The following TNIP1 variants were observed in gnomAD, a reference collection of about 807,000 sequenced individuals.
The protein encoded by TNIP1 is TNFAIP3 interacting protein 1, also known as TNFAIP3-interacting protein 1.
In TNIP1, 22 loss-of-function variants were observed where a neutral mutation model predicts 86.6. The ratio of observed to expected loss-of-function variants is 0.25; its 90% confidence interval spans 0.18 to 0.36. The LOEUF (loss-of-function observed/expected upper bound fraction) is 0.36, where lower values mean the gene tolerates loss of function less well. TNIP1 is among the 10% of genes least tolerant of loss of function. The pLI is 1.00. For synonymous variants in TNIP1, 294 were observed against 313.0 expected (o/e 0.94, Z 0.64); for missense variants, 709 against 820.6 (o/e 0.86, Z 1.66).
intron 1 of TNIP1, among the ~76,000 whole-genome samples, chr5:151,077,250 T>C (rs1015979961): frequency 6.6e-6 from 1 of 152,232 alleles, no homozygotes; most frequent in Non-Finnish European, 1.5e-5. Context: ...CATTAATCTA[T>C]TTATGAGGGC....
chr5:151,054,963 C>G (rs1760456351), intron 6 of TNIP1, among the ~76,000 whole-genome samples: 1 of 152,206 alleles, frequency 6.6e-6, no homozygotes, highest in African/African-American at 2.4e-5. Flanking sequence ...CCTACCCTTG[C>G]AGTCTAGAGA....
intron 9 of TNIP1, among the ~76,000 whole-genome samples, chr5:151,045,369 C>A (rs1759018082): frequency 6.6e-6 from 1 of 151,938 alleles, no homozygotes; most frequent in Non-Finnish European, 1.5e-5. Context: ...GGATTACAGG[C>A]ATGAGCCACC....
chr5:151,030,086 T>C lies in TNIP1; in HGVS notation c.*627A>G, dbSNP rs765833059. 1 of 456,864 alleles carries C rather than the reference T, an allele frequency of 2.2e-6. No homozygotes were observed. The highest frequency in any genetic ancestry group is 4.4e-6 in the Non-Finnish European group (1 of 226,968). The allele number at this position is 456,864 out of a possible 1,614,324, so 28.3% of individuals were successfully genotyped here. A position where few individuals can be genotyped will look rare whatever the true frequency, so the allele number is the denominator to read the frequency against. On this transcript the variant is annotated 3_prime_UTR_variant, in exon 18 of 18. Transcript: ENST00000521591. ...GTCTGAACCTCAGGGCCTGGCAGCT[T>C]CAGGCTGGCGCCCCTCGGCGGACGT...
upstream of TNIP1, among the ~76,000 whole-genome samples, chr5:151,084,506 C>A (rs1343177666): frequency 6.6e-6 from 1 of 151,780 alleles, no homozygotes; most frequent in East Asian, 1.9e-4. Context: ...AGGGCTGGAG[C>A]CACACCAAGG....
At chr5:151,034,749 A>G in intron 15 of TNIP1, 1 of 501,002 alleles carries the variant, frequency 2.0e-6, no homozygotes. Flanking sequence ...AGGCTCATAC[A>G]CGGCCAAAGA....
upstream of TNIP1, among the ~76,000 whole-genome samples, chr5:151,084,567 C>A (rs1360897989): frequency 6.6e-6 from 1 of 152,266 alleles, no homozygotes; most frequent in East Asian, 1.9e-4. Flanking sequence ...GTTTGTGATT[C>A]ATACATAGGA....
At chr5:151,048,439 T>G (rs987039717) in intron 8 of TNIP1, among the ~76,000 whole-genome samples, 1 of 152,208 alleles carries the variant, frequency 6.6e-6, no homozygotes, top group Admixed American at 6.5e-5. Context: ...AGGAGTCTTA[T>G]GTGACTTACC....
chr5:151,066,135 G>C (rs566121489), intron 1 of TNIP1, among the ~76,000 whole-genome samples: 1 of 152,208 alleles, frequency 6.6e-6, no homozygotes, highest in Non-Finnish European at 1.5e-5. Context: ...GGTGAAAGCA[G>C]AGGAGGATGG....
intron 11 of TNIP1, 64 bp from the exon 12 acceptor site, chr5:151,039,289 T>C: frequency 6.5e-7 from 1 of 1,542,814 alleles, no homozygotes; most frequent in Non-Finnish European, 8.7e-7. Flanking sequence ...TCGGATTCTC[T>C]GTCCTGCCTG....
chr5:151,063,488 G>C lies in TNIP1; in HGVS notation c.271+125C>G, dbSNP rs151271731. 6.3e-5 allele frequency: 87 copies of C among 1,388,894 alleles called. No individual in the cohort carries two copies. The East Asian group carries it at 1.9e-3, about 30-fold the overall frequency. 86.0% of individuals were successfully genotyped at this position (1,388,894 alleles called of 1,614,324 possible). A position where few individuals can be genotyped will look rare whatever the true frequency, so the allele number is the denominator to read the frequency against. On this transcript the variant is annotated intron_variant, in intron 3 of 17. Transcript: ENST00000521591. The stretch of plus-strand genomic sequence containing the variant: ...GTGGCAGCCAAAACATGAATGGAAG[G>C]GTAGCCTGTGACCTAAGGATAAACG...
intron 1 of TNIP1, 71 bp downstream of exon 1, chr5:151,080,809 C>G (rs1763943894): frequency 6.6e-6 from 1 of 152,322 alleles, no homozygotes; most frequent in Non-Finnish European, 1.5e-5. Flanking sequence ...CCGCCGCCAC[C>G]GAGGCTCTGG....
intron 5 of TNIP1, among the ~76,000 whole-genome samples, chr5:151,059,828 A>AGAGAGAGAGAGAGAGAGT (rs1554076446): frequency 2.0e-4 from 11 of 56,398 alleles, no homozygotes; most frequent in African/African-American, 3.4e-4. Context: ...AGAGAGAGAG[A>AGAGAGAGAGAGAGAGAGT]GTGTGTGTGT....
intron 12 of TNIP1, among the ~76,000 whole-genome samples, chr5:151,038,638 G>C (rs190908452): frequency 1.3e-5 from 2 of 152,288 alleles, no homozygotes; most frequent in African/African-American, 4.8e-5. Context: ...CTTGATGCCA[G>C]GCGCTGTACA....
Position 151,073,995 on chromosome 5 carries a change from T to C in TNIP1, c.-37+6885A>G, listed in dbSNP as rs545427457. 1.4e-3 allele frequency among the ~76,000 whole-genome samples: 210 copies of C among 152,322 alleles called. 1 individual carries two copies. The highest frequency in any genetic ancestry group is 4.2e-3 in the African/African-American group (176 of 41,568). ...CTACAGAAGGACCTCGGTAAGGAAC[T>C]AAAACCAAAAGAAACTTTTATTTTA... On this transcript the variant is annotated intron_variant, in intron 1 of 17. Transcript: ENST00000521591.
chr5:151,073,349 C>T (rs1287097103), intron 1 of TNIP1, among the ~76,000 whole-genome samples: 1 of 152,008 alleles, frequency 6.6e-6, no homozygotes, highest in African/African-American at 2.4e-5. Context: ...TACACAGAAG[C>T]TGGACAAAAA....
upstream of TNIP1, among the ~76,000 whole-genome samples, chr5:151,087,380 C>A (rs1177614637): frequency 6.6e-6 from 1 of 152,094 alleles, no homozygotes; most frequent in Admixed American, 6.5e-5. Flanking sequence ...TGGGGGGGAT[C>A]TGGGGAGAAG....
At chr5:151,085,999 A>G (rs1034352132), upstream of TNIP1, among the ~76,000 whole-genome samples, 1 of 152,018 alleles carries the variant, frequency 6.6e-6, no homozygotes, top group African/African-American at 2.4e-5. Flanking sequence ...CCACCGTCAG[A>G]CTTGGCCTCT....
At chr5:151,049,629 T>A (rs369643112) in intron 8 of TNIP1, among the ~76,000 whole-genome samples, 195 bp downstream of exon 8, 1 of 152,086 alleles carries the variant, frequency 6.6e-6, no homozygotes, top group Admixed American at 6.5e-5. Context: ...ATGAGGCCCA[T>A]GAAGCCACAG....
intron 8 of TNIP1, among the ~76,000 whole-genome samples, chr5:151,048,326 T>A (rs1323051763): frequency 1.3e-5 from 2 of 152,196 alleles, no homozygotes; most frequent in Non-Finnish European, 2.9e-5. Flanking sequence ...GTTCACTGTT[T>A]ACGACGCTAA....
Sources: allele counts gnomAD v4.1 joint callset (sites outside exome capture counted in the v4.1 genomes callset), GRCh38; gene constraint gnomAD v4.1.1; transcripts MANE v1.5; gene names NCBI Gene and HGNC (gene_info 2026-07-23, HGNC 2026-07-21).